The following CALN1 variants were observed in gnomAD, a reference collection of about 807,000 sequenced individuals.
The protein encoded by CALN1 is calcium-binding protein 8.
Under a neutral mutation model 30.6 loss-of-function variants are expected in CALN1, and 17 were observed. That is an observed-to-expected ratio of 0.56 (90% CI 0.38 to 0.83). CALN1 has a LOEUF of 0.83. Among genes scored for constraint, CALN1 ranks in the 40% least tolerant of loss-of-function variants. The pLI is 0.00. For synonymous variants in CALN1, 156 were observed against 131.4 expected (o/e 1.19, Z -1.28); for missense variants, 291 against 354.9 (o/e 0.82, Z 1.45).
chr7:71,892,481 T>G (rs1793299153), intron 5 of CALN1, among the ~76,000 whole-genome samples: 1 of 152,104 alleles, frequency 6.6e-6, no homozygotes, highest in Admixed American at 6.5e-5. Flanking sequence ...CTACTAAAAA[T>G]GCAAAAATTA....
chr7:71,845,071 A>G (rs927278923), intron 5 of CALN1, among the ~76,000 whole-genome samples: 2 of 151,994 alleles, frequency 1.3e-5, no homozygotes, highest in Non-Finnish European at 2.9e-5. Flanking sequence ...TTTAGTACAG[A>G]CAGGGTTTCA....
intron 2 of CALN1, among the ~76,000 whole-genome samples, chr7:72,401,942 T>C (rs1344647416): frequency 6.6e-6 from 1 of 152,174 alleles, no homozygotes; most frequent in East Asian, 1.9e-4. Context: ...CAACATCCTT[T>C]CATTTATCCT....
At chr7:72,477,086 T>C in the CALN1 span, among the ~76,000 whole-genome samples, 97,015 of 151,942 alleles carry the variant, frequency 0.64, 31,636 homozygotes, top group African/African-American at 0.77. Flanking sequence ...TGGCGCGCAC[T>C]TGTAATTCCA....
intron 3 of CALN1, among the ~76,000 whole-genome samples, chr7:72,230,154 A>T (rs1471472052): frequency 6.6e-6 from 1 of 151,964 alleles, no homozygotes; most frequent in Non-Finnish European, 1.5e-5. Context: ...AAACAAAAAC[A>T]AAAACAAAAA....
intron 4 of CALN1, among the ~76,000 whole-genome samples, chr7:72,056,427 G>T (rs1234707908): frequency 6.6e-6 from 1 of 151,954 alleles, no homozygotes; most frequent in Non-Finnish European, 1.5e-5. Flanking sequence ...ATAAAAAATC[G>T]AATGGAAAAA....
At chr7:71,959,734 G>A (rs1405194363) in intron 5 of CALN1, among the ~76,000 whole-genome samples, 1 of 152,026 alleles carries the variant, frequency 6.6e-6, no homozygotes, top group South Asian at 2.1e-4. Flanking sequence ...ACAGTGGTCA[G>A]ACTCCATGGT....
At chr7:72,327,070 G>C (rs1241795409) in intron 2 of CALN1, among the ~76,000 whole-genome samples, 1 of 152,226 alleles carries the variant, frequency 6.6e-6, no homozygotes, top group Non-Finnish European at 1.5e-5. Flanking sequence ...GTCATATTGA[G>C]ACTGAGTTTG....
rs1017650054 is a variant in CALN1, at chr7:72,200,677, A to T, written c.244+78009T>A. On this transcript the variant is annotated intron_variant, in intron 3 of 6. Coordinates refer to ENST00000395275, the MANE Select transcript of CALN1 (RefSeq NM_031468.4). ...GGGATGCGGTCTCCATGAAAAAAAA[A>T]CACACATGGAGACAAAGAAAACACC... Among the ~76,000 whole-genome samples the T allele has an allele frequency of 2.6e-5, 4 of 151,902 alleles. No individual in the cohort carries two copies. The East Asian group carries it at 7.7e-4, about 29-fold the overall frequency.
At chr7:72,233,565 A>G (rs1390849686) in intron 3 of CALN1, among the ~76,000 whole-genome samples, 1 of 152,108 alleles carries the variant, frequency 6.6e-6, no homozygotes, top group African/African-American at 2.4e-5. Context: ...AAAAAAACAG[A>G]AACATTAGCC....
chr7:71,855,552 C>T (rs921681378), intron 5 of CALN1, among the ~76,000 whole-genome samples: 3 of 152,072 alleles, frequency 2.0e-5, no homozygotes, highest in African/African-American at 7.2e-5. Context: ...AATGCAGCAC[C>T]CCAGCCTTTC....
intron 5 of CALN1, among the ~76,000 whole-genome samples, chr7:71,927,414 T>C (rs530514974): frequency 2.6e-5 from 4 of 152,294 alleles, no homozygotes; most frequent in African/African-American, 9.6e-5. Flanking sequence ...TTCACCATGT[T>C]GGCCAGGCTG....
At chr7:72,085,839 A>G (rs1805449767) in intron 4 of CALN1, among the ~76,000 whole-genome samples, 1 of 152,228 alleles carries the variant, frequency 6.6e-6, no homozygotes, top group Non-Finnish European at 1.5e-5. Flanking sequence ...TGAAGAAAAC[A>G]AAGAAAAAAT....
intron 5 of CALN1, among the ~76,000 whole-genome samples, chr7:71,916,836 C>CG (rs1794709272): frequency 1.3e-5 from 2 of 152,152 alleles, no homozygotes. Flanking sequence ...AAAATTCTTG[C>CG]GATGTAAGTA....
At chr7:71,863,419 G>C (rs1296291979) in intron 5 of CALN1, among the ~76,000 whole-genome samples, 1 of 151,560 alleles carries the variant, frequency 6.6e-6, no homozygotes, top group Non-Finnish European at 1.5e-5. Context: ...TTAGCAGGGC[G>C]TGGTCACACA....
intron 4 of CALN1, among the ~76,000 whole-genome samples, chr7:72,095,748 C>T (rs945795949): frequency 1.3e-4 from 20 of 152,146 alleles, no homozygotes; most frequent in African/African-American, 4.8e-4. Flanking sequence ...AAGGAAAATT[C>T]TGGGCCAAGC....
Position 72,365,414 on chromosome 7 carries a change from G to A in CALN1, c.119+37837C>T, listed in dbSNP as rs114566178. On this transcript the variant is annotated intron_variant, in intron 2 of 6. Coordinates refer to ENST00000395275, the MANE Select transcript of CALN1 (RefSeq NM_031468.4). ...TGGGGAAAACAACAATAAACAACTA[G>A]CAAAGTGCATAAAATGAGAAATACG... 6.2e-3 allele frequency among the ~76,000 whole-genome samples: 946 copies of A among 152,182 alleles called. 12 individuals are homozygous for A. The highest frequency in any genetic ancestry group is 0.021 in the African/African-American group (892 of 41,522).
intron 3 of CALN1, among the ~76,000 whole-genome samples, chr7:72,176,064 A>G (rs1789329818): frequency 1.3e-5 from 2 of 152,200 alleles, no homozygotes; most frequent in Admixed American, 6.5e-5. Context: ...ACACACAGAA[A>G]CATTCTGAGT....
intron 3 of CALN1, among the ~76,000 whole-genome samples, chr7:72,212,279 G>C (rs1024352701): frequency 1.3e-5 from 2 of 151,210 alleles, no homozygotes; most frequent in Non-Finnish European, 2.9e-5. Flanking sequence ...AACCCACGAG[G>C]TGGAGGACTG....
intron 3 of CALN1, among the ~76,000 whole-genome samples, chr7:72,247,141 A>G (rs954453072): frequency 6.7e-5 from 10 of 149,482 alleles, no homozygotes; most frequent in Non-Finnish European, 1.3e-4. Context: ...ATCCCCACCC[A>G]GATAGTTACG....
Sources: gnomAD v4.1 joint callset for allele counts (sites outside exome capture counted in the v4.1 genomes callset) on GRCh38, gnomAD v4.1.1 for gene constraint, MANE v1.5 for transcripts, NCBI Gene and HGNC (gene_info 2026-07-23, HGNC 2026-07-21) for gene names.